Variants in SOX5 observed in about 807,000 individuals in gnomAD.
SOX5 encodes the protein transcription factor SOX-5.
In SOX5, 9 loss-of-function variants were observed where a neutral mutation model predicts 92.0. The ratio of observed to expected loss-of-function variants is 0.10; its 90% confidence interval spans 0.06 to 0.17. The LOEUF (loss-of-function observed/expected upper bound fraction) is 0.17. Ranked by LOEUF, SOX5 falls within the 10% of genes least tolerant of loss-of-function variation. The pLI, the probability that SOX5 is intolerant of heterozygous loss-of-function variation, is 1.00. For missense variants in SOX5, 642 were observed against 944.5 expected (o/e 0.68, Z 4.20); for synonymous variants, 344 against 336.3 (o/e 1.02, Z -0.25).
chr12:24,004,881 G>A (rs1286065959), intron 4 of SOX5, among the ~76,000 whole-genome samples: 1 of 151,994 alleles, frequency 6.6e-6, no homozygotes, highest in Non-Finnish European at 1.5e-5. Context: ...TCATCAATGG[G>A]TGAAAGAATA....
chr12:24,499,802 GAGA>G (rs1283131774), intron 1 of SOX5, among the ~76,000 whole-genome samples: 3 of 149,656 alleles, frequency 2.0e-5, no homozygotes, highest in Non-Finnish European at 3.0e-5. Flanking sequence ...AGAACAGGAA[GAGA>G]AGAACTATGA....
rs35395976 is a variant in SOX5 at position 23,539,605 on chromosome 12, T to TAA, written c.1772-2938_1772-2937dup. ...TAACTTAAAGAAAGCTGGTCTGGCTTAAAAAAAAAAAAAAAGAGGAAAAAA... is the reference window on the plus strand; with the variant it reads ...TAACTTAAAGAAAGCTGGTCTGGCTTAAAAAAAAAAAAAAAAAGAGGAAAAAA... On this transcript the variant is annotated intron_variant, in intron 13 of 14. Transcript: ENST00000451604. 2.8e-3 allele frequency among the ~76,000 whole-genome samples: 398 copies of TAA among 141,130 alleles called. 4 individuals are homozygous for TAA. Among genetic ancestry groups the TAA allele is most frequent in the South Asian group, 1.0e-2 (45 of 4,520 alleles). The allele number at this position is 141,130 out of a possible 152,430, so 92.6% of individuals were successfully genotyped here.
intron 9 of SOX5, among the ~76,000 whole-genome samples, chr12:23,594,167 T>C (rs898922813): frequency 5.3e-5 from 8 of 151,992 alleles, no homozygotes; most frequent in African/African-American, 1.5e-4. Flanking sequence ...TTTCCTATAT[T>C]GCCAGCGAAA....
At chr12:24,562,038 G>A (rs1350242321) in intron 1 of SOX5, among the ~76,000 whole-genome samples, 1 of 152,256 alleles carries the variant, frequency 6.6e-6, no homozygotes, top group East Asian at 1.9e-4. Context: ...CCGGGTCGGG[G>A]TCCAAGCCGG....
At chr12:23,879,979 A>G (rs2096969673) in intron 2 of SOX5, among the ~76,000 whole-genome samples, 1 of 152,202 alleles carries the variant, frequency 6.6e-6, no homozygotes, top group South Asian at 2.1e-4. Flanking sequence ...AAGATATTTC[A>G]TGATAACAAA....
At chr12:24,223,481 C>A (rs548723766) in intron 3 of SOX5, among the ~76,000 whole-genome samples, 3 of 152,274 alleles carry the variant, frequency 2.0e-5, no homozygotes, top group Admixed American at 2.0e-4. Flanking sequence ...AGGCCTGGCA[C>A]AGTGGCTCAC....
At chr12:24,295,397 C>T (rs1947092880) in intron 2 of SOX5, among the ~76,000 whole-genome samples, 1 of 152,150 alleles carries the variant, frequency 6.6e-6, no homozygotes, top group East Asian at 1.9e-4. Flanking sequence ...CATGTACTGG[C>T]TATTTAAGAC....
At chr12:23,668,295 G>A (rs2084175618) in intron 6 of SOX5, among the ~76,000 whole-genome samples, 1 of 152,130 alleles carries the variant, frequency 6.6e-6, no homozygotes, top group Admixed American at 6.6e-5. Context: ...GTTGTGACCG[G>A]AAGCTCGCAA....
chr12:24,448,690 T>C (rs144000422), intron 1 of SOX5, among the ~76,000 whole-genome samples: 1 of 152,326 alleles, frequency 6.6e-6, no homozygotes, highest in Non-Finnish European at 1.5e-5. Flanking sequence ...ACAGATACTT[T>C]TGCTTGCTTA....
intron 8 of SOX5, among the ~76,000 whole-genome samples, chr12:23,615,369 C>A (rs979977315): frequency 6.6e-6 from 1 of 151,860 alleles, no homozygotes; most frequent in South Asian, 2.1e-4. Context: ...AATTTTAGGT[C>A]CAGGGGTACA....
intron 1 of SOX5, among the ~76,000 whole-genome samples, chr12:24,387,261 TC>T (rs1397977910): frequency 6.6e-6 from 1 of 152,218 alleles, no homozygotes; most frequent in African/African-American, 2.4e-5. Flanking sequence ...TTTCATCCTA[TC>T]CCTGTAGATC....
rs146709076 is a variant in SOX5, at chr12:23,542,440, C to CTT, written c.1771+769_1771+770dup. On this transcript the variant is annotated intron_variant, in intron 13 of 14. Coordinates refer to ENST00000451604, the MANE Select transcript of SOX5 (RefSeq NM_006940.6). Reference sequence around the variant, plus strand: ...TAAGGCACAAAAGCAATGGAATCTTCTTTTTTTCTTTTTCCCCCTGGGACC... The same window carrying CTT: ...TAAGGCACAAAAGCAATGGAATCTTCTTTTTTTTTCTTTTTCCCCCTGGGACC... 4.3e-3 allele frequency among the ~76,000 whole-genome samples: 651 copies of CTT among 152,160 alleles called. 2 individuals are homozygous for CTT. The highest frequency in any genetic ancestry group is 0.015 in the African/African-American group (620 of 41,484).
intron 8 of SOX5, among the ~76,000 whole-genome samples, chr12:23,615,285 A>C (rs2076421792): frequency 6.6e-6 from 1 of 152,144 alleles, no homozygotes; most frequent in Non-Finnish European, 1.5e-5. Flanking sequence ...TTTTTTAAAA[A>C]AAATTAAGCT....
chr12:23,863,772 T>C (rs1034427876), intron 2 of SOX5, among the ~76,000 whole-genome samples: 3 of 149,740 alleles, frequency 2.0e-5, no homozygotes, highest in Non-Finnish European at 4.4e-5. Context: ...TGTCAACTCC[T>C]AAATAACATT....
At chr12:23,871,625 C>A (rs2096872938) in intron 2 of SOX5, among the ~76,000 whole-genome samples, 1 of 151,948 alleles carries the variant, frequency 6.6e-6, no homozygotes, top group Non-Finnish European at 1.5e-5. Context: ...GATTTTTGTT[C>A]TTGTAAACTC....
intron 1 of SOX5, among the ~76,000 whole-genome samples, chr12:24,458,468 G>A (rs11615770): frequency 0.19 from 28,288 of 151,922 alleles, 2,756 homozygotes; most frequent in Middle Eastern, 0.22. Flanking sequence ...TGAGCTGAAC[G>A]CCAAAATCAG....
chr12:24,015,086 CTCTT>C (rs1318882986), intron 4 of SOX5, among the ~76,000 whole-genome samples: 1 of 152,024 alleles, frequency 6.6e-6, no homozygotes, highest in African/African-American at 2.4e-5. Context: ...CTCTCTCTTT[CTCTT>C]TCTGTCTCTC....
chr12:23,577,339 C>T (rs944798277), intron 9 of SOX5, among the ~76,000 whole-genome samples: 1 of 150,822 alleles, frequency 6.6e-6, no homozygotes, highest in Non-Finnish European at 1.5e-5. Context: ...GACACTACTA[C>T]GTGGTGCACA....
chr12:23,965,245 A>C (rs781171335), intron 4 of SOX5, among the ~76,000 whole-genome samples: 1 of 152,220 alleles, frequency 6.6e-6, no homozygotes, highest in African/African-American at 2.4e-5. Flanking sequence ...CAGGTGGTCA[A>C]GGGCATATGT....
Sources: allele counts gnomAD v4.1 joint callset (sites outside exome capture counted in the v4.1 genomes callset), GRCh38; gene constraint gnomAD v4.1.1; transcripts MANE v1.5; gene names NCBI Gene and HGNC (gene_info 2026-07-23, HGNC 2026-07-21).